VPS39: variants seen among roughly 807,000 people sequenced by gnomAD.
VPS39 encodes the protein VPS39 subunit of HOPS complex, also known as vam6/Vps39-like protein.
VPS39 carries 70 observed loss-of-function variants against 121.0 expected under a neutral mutation model. The observed-to-expected ratio is 0.58, with a 90% CI of 0.48 to 0.71. The LOEUF (loss-of-function observed/expected upper bound fraction) is 0.71. VPS39 is among the 30% of genes least tolerant of loss of function. The probability of loss-of-function intolerance (pLI) is 0.00; values close to 1 mark genes in which losing one functional copy is unlikely to be tolerated. For missense variants in VPS39, 818 were observed against 1,051.5 expected (o/e 0.78, Z 3.07); for synonymous variants, 378 against 398.1 (o/e 0.95, Z 0.60).
chr15:42,181,151 G>T (rs970878635), intron 8 of VPS39, among the ~76,000 whole-genome samples: 1 of 151,686 alleles, frequency 6.6e-6, no homozygotes, highest in Non-Finnish European at 1.5e-5. Flanking sequence ...AACAAAATGT[G>T]GTATATACAC....
intron 1 of VPS39, among the ~76,000 whole-genome samples, chr15:42,204,433 T>A (rs918000605): frequency 6.6e-6 from 1 of 152,178 alleles, no homozygotes; most frequent in Non-Finnish European, 1.5e-5. Context: ...GCGGATCACC[T>A]CAGGTCAGGC....
chr15:42,197,720 G>A (rs1305214307), intron 2 of VPS39, among the ~76,000 whole-genome samples: 1 of 152,178 alleles, frequency 6.6e-6, no homozygotes, highest in Non-Finnish European at 1.5e-5. Context: ...AAATGACTCA[G>A]ATCAGATCAG....
rs757076933 is a variant in VPS39 at position 42,162,469 on chromosome 15, G to A, written c.2188C>T (p.Leu730=). The A allele has an allele frequency of 1.2e-6, 2 of 1,606,178 alleles. No homozygotes were observed. Among genetic ancestry groups the A allele is most frequent in the Admixed American group, 3.4e-5 (2 of 59,504 alleles). Reference sequence around the variant, plus strand: ...GGGGGCGACAGGTACATCCGAAGCAGGGACAGATACACCTGTCTCAGAGAG... The same window carrying A: ...GGGGGCGACAGGTACATCCGAAGCAAGGACAGATACACCTGTCTCAGAGAG... ...KDGNKDVYLS[L]LRMYLSPPSI... The change falls in exon 22 of 25, where the codon CTG becomes TTG. Residue 730 remains leucine, a synonymous_variant. Coordinates refer to ENST00000318006, the MANE Select transcript of VPS39 (RefSeq NM_015289.5).
intron 16 of VPS39, 38 bp from the exon 17 acceptor site, chr15:42,165,854 C>A (rs372539690): frequency 1.3e-6 from 2 of 1,576,630 alleles, no homozygotes; most frequent in Non-Finnish European, 8.7e-7. Context: ...GCAGAACCAT[C>A]TGACTGCAGT....
intron 8 of VPS39, among the ~76,000 whole-genome samples, chr15:42,182,785 C>T (rs372492930): frequency 2.0e-5 from 3 of 152,218 alleles, no homozygotes; most frequent in South Asian, 2.1e-4. Flanking sequence ...AAGACACAGA[C>T]ATGGTTTTGA....
In VPS39 at chr15:42,169,811, C is replaced by T. The variant is rs2049312938; in HGVS notation, c.1146G>A (p.Lys382=). The T allele has an allele frequency of 6.2e-7, 1 of 1,613,978 alleles. No homozygotes were observed. Among genetic ancestry groups the T allele is most frequent in the Admixed American group, 1.7e-5 (1 of 59,996 alleles). ...GCAATGGGTTGGGATACTGCAACTG[C>T]TTTCTGTAGTCTGTGGGCAGCAGGT... ...YPDLLPTDYR[K]QLQYPNPLPV... The change falls in exon 12 of 25, where the codon AAG becomes AAA. Residue 382 remains lysine, a synonymous_variant. Coordinates refer to ENST00000318006, the MANE Select transcript of VPS39 (RefSeq NM_015289.5).
At chr15:42,202,605 A>G (rs533766182) in intron 1 of VPS39, among the ~76,000 whole-genome samples, 1 of 152,340 alleles carries the variant, frequency 6.6e-6, no homozygotes, top group Non-Finnish European at 1.5e-5. Flanking sequence ...ACCAAAACAA[A>G]AGGCCAACAT....
intron 8 of VPS39, among the ~76,000 whole-genome samples, chr15:42,183,550 C>G (rs984918087): frequency 1.3e-5 from 2 of 152,198 alleles, no homozygotes; most frequent in African/African-American, 4.8e-5. Flanking sequence ...TACCCTCTCC[C>G]AAATCGGCAT....
chr15:42,169,461 T>C (rs982061088), intron 12 of VPS39, among the ~76,000 whole-genome samples: 11 of 152,218 alleles, frequency 7.2e-5, no homozygotes, highest in African/African-American at 2.7e-4. Flanking sequence ...TAAAATTTAC[T>C]TTTTTTAGTT....
intron 11 of VPS39, among the ~76,000 whole-genome samples, chr15:42,172,212 G>T (rs1228704517): frequency 6.6e-6 from 1 of 152,154 alleles, no homozygotes; most frequent in Non-Finnish European, 1.5e-5. Context: ...TGAAGCTTCT[G>T]CCTAGGTCTC....
chr15:42,189,291 G>A, intron 4 of VPS39, 83 bp from the exon 5 acceptor site: 2 of 1,063,088 alleles, frequency 1.9e-6, no homozygotes, highest in East Asian at 2.4e-5. Context: ...AAGTAACTGT[G>A]TTAACATCTA....
In VPS39 at chr15:42,195,865, C is replaced by T. The variant is rs141315676; in HGVS notation, c.139+4031G>A. Reference sequence around the variant, plus strand: ...CAAAAAAGAGCCTGCATTGCCAAGTCGATCCTAAGCAAAAAGAACAAAGCT... The same window carrying T: ...CAAAAAAGAGCCTGCATTGCCAAGTTGATCCTAAGCAAAAAGAACAAAGCT... On this transcript the variant is annotated intron_variant, in intron 2 of 24. Transcript: ENST00000318006. Among the ~76,000 whole-genome samples the T allele has an allele frequency of 1.6e-3, 239 of 152,274 alleles. 7 individuals carry two copies. The East Asian group carries it at 0.043, about 27-fold the overall frequency.
At chr15:42,189,794 C>CTT (rs34353468) in intron 4 of VPS39, among the ~76,000 whole-genome samples, 2,638 of 33,950 alleles carry the variant, frequency 0.078, 853 homozygotes, top group African/African-American at 0.16. Context: ...CCAAAACACT[C>CTT]TTTTTTTTTT....
At position 42,162,014 on chromosome 15, in the gene VPS39, T is replaced by C. The variant is rs1566887713; in HGVS notation, c.2460+18A>G. 6.2e-7 allele frequency: 1 copy of C among 1,613,946 alleles called. No homozygotes were observed. The highest frequency in any genetic ancestry group is 1.7e-5 in the Admixed American group (1 of 59,972). On this transcript the variant is annotated intron_variant, in intron 23 of 24. Transcript: ENST00000318006. ...AAAGTTAAAAGCCCACCCTAGAGTTTGGAAGGCCCATACCTACCCTCAGGA... is the reference window on the plus strand; with the variant it reads ...AAAGTTAAAAGCCCACCCTAGAGTTCGGAAGGCCCATACCTACCCTCAGGA...
chr15:42,200,995 A>G (rs2050056235), intron 1 of VPS39, among the ~76,000 whole-genome samples: 1 of 152,206 alleles, frequency 6.6e-6, no homozygotes, highest in African/African-American at 2.4e-5. Flanking sequence ...GAGTAGGCAA[A>G]TCCACAGAGG....
rs779330129 is a variant in VPS39, at chr15:42,163,739, A to G, written c.2027-11T>C. ...GTTCTTCTAAGAGGCCTAGGAGGAAAAGGAATATGAGGAACCACTGCCGCC... is the reference window on the plus strand; with the variant it reads ...GTTCTTCTAAGAGGCCTAGGAGGAAGAGGAATATGAGGAACCACTGCCGCC... On this transcript the variant is annotated splice_polypyrimidine_tract_variant and intron_variant, in intron 19 of 24. Coordinates refer to ENST00000318006, the MANE Select transcript of VPS39 (RefSeq NM_015289.5). The G allele has an allele frequency of 6.2e-7, 1 of 1,601,708 alleles. No individual in the cohort carries two copies. Among genetic ancestry groups the G allele is most frequent in the South Asian group, 1.1e-5 (1 of 89,376 alleles).
intron 2 of VPS39, chr15:42,199,456 C>A: frequency 5.6e-6 from 2 of 355,766 alleles, no homozygotes; most frequent in Non-Finnish European, 1.1e-5. Flanking sequence ...TGAAGGCAAA[C>A]CCTGGTCCTC....
chr15:42,198,162 C>T (rs2049984291), intron 2 of VPS39, among the ~76,000 whole-genome samples: 1 of 152,146 alleles, frequency 6.6e-6, no homozygotes, highest in Non-Finnish European at 1.5e-5. Context: ...TGTGTTGAGA[C>T]TTCATTTATA....
Position 42,189,106 on chromosome 15 carries a change from A to T in VPS39, c.342+8T>A. On this transcript the variant is annotated splice_region_variant and intron_variant, in intron 5 of 24. Coordinates refer to ENST00000318006, the MANE Select transcript of VPS39 (RefSeq NM_015289.5). ...CATAAAGCCAAATTTCATCTTGGGT[A>T]AACTTACCTGGAGGTCACAAGTAAA... 1.9e-6 allele frequency: 3 copies of T among 1,611,142 alleles called. No individual in the cohort carries two copies. The highest frequency in any genetic ancestry group is 2.5e-6 in the Non-Finnish European group (3 of 1,177,318).
Sources: allele counts gnomAD v4.1 joint callset (sites outside exome capture counted in the v4.1 genomes callset), GRCh38; gene constraint gnomAD v4.1.1; transcripts MANE v1.5; gene names NCBI Gene and HGNC (gene_info 2026-07-23, HGNC 2026-07-21).